FRS2: variants seen among roughly 807,000 people sequenced by gnomAD.
FRS2 encodes fibroblast growth factor receptor substrate 2.
Under a neutral mutation model 43.9 loss-of-function variants are expected in FRS2, and 8 were observed. The observed-to-expected ratio is 0.18, with a 90% CI of 0.11 to 0.33. The LOEUF (loss-of-function observed/expected upper bound fraction) is 0.33, where lower values mean the gene tolerates loss of function less well. FRS2 is among the 10% of genes least tolerant of loss of function. The probability of loss-of-function intolerance (pLI) is 1.00; values close to 1 mark genes in which losing one functional copy is unlikely to be tolerated. For missense variants in FRS2, 534 were observed against 627.6 expected, an observed-to-expected ratio of 0.85 and a Z score of 1.59; for synonymous variants, 219 against 220.3, an observed-to-expected ratio of 0.99 and a Z score of 0.05.
At chr12:69,495,628 A>C (rs1299773645) in intron 1 of FRS2, among the ~76,000 whole-genome samples, 1 of 152,208 alleles carries the variant, frequency 6.6e-6, no homozygotes, top group Admixed American at 6.5e-5. Context: ...AGTATTACAA[A>C]ATAATGCTTA....
intron 5 of FRS2, among the ~76,000 whole-genome samples, chr12:69,569,607 C>G (rs1444790152): frequency 6.6e-6 from 1 of 152,208 alleles, no homozygotes; most frequent in African/African-American, 2.4e-5. Flanking sequence ...AAAGAATAGC[C>G]TTGATCACAC....
intron 1 of FRS2, among the ~76,000 whole-genome samples, chr12:69,522,764 G>A (rs902602227): frequency 1.3e-5 from 2 of 152,096 alleles, no homozygotes; most frequent in Admixed American, 1.3e-4. Flanking sequence ...CGCTGCCTTA[G>A]CTGTGTCTGA....
intron 1 of FRS2, among the ~76,000 whole-genome samples, chr12:69,479,352 A>T (rs1262154091): frequency 6.8e-6 from 1 of 147,866 alleles, no homozygotes; most frequent in Non-Finnish European, 1.5e-5. Flanking sequence ...AAAAATACAC[A>T]GTGTGATTGA....
intron 1 of FRS2, among the ~76,000 whole-genome samples, chr12:69,523,424 C>T (rs948172831): frequency 5.9e-5 from 9 of 152,034 alleles, no homozygotes; most frequent in Non-Finnish European, 2.9e-5. Context: ...TTTCCATTTC[C>T]CTGGTAGATT....
At chr12:69,491,025 T>C (rs922674754) in intron 1 of FRS2, among the ~76,000 whole-genome samples, 3 of 152,248 alleles carry the variant, frequency 2.0e-5, no homozygotes, top group African/African-American at 7.2e-5. Context: ...TTTCCTACCT[T>C]TCTGTCTACT....
chr12:69,535,664 G>A (rs914396724), intron 3 of FRS2, among the ~76,000 whole-genome samples: 24 of 151,976 alleles, frequency 1.6e-4, no homozygotes, highest in Non-Finnish European at 1.9e-4. Flanking sequence ...CGGTTATTAA[G>A]TACAGTGTTA....
chr12:69,523,351 GA>G (rs142775053), intron 1 of FRS2, among the ~76,000 whole-genome samples: 2,319 of 152,166 alleles, frequency 0.015, 63 homozygotes, highest in African/African-American at 0.052. Context: ...TGTCTTTTTT[GA>G]TCTTTGTTGG....
intron 1 of FRS2, among the ~76,000 whole-genome samples, chr12:69,490,431 GTTTTTTTT>G (rs5798936): frequency 7.5e-6 from 1 of 133,348 alleles, no homozygotes; most frequent in Non-Finnish European, 1.6e-5. Context: ...AAATGTGTGG[GTTTTTTTT>G]TTTTTTTTGG....
At chr12:69,558,823 A>C (rs544847653) in intron 3 of FRS2, among the ~76,000 whole-genome samples, 2 of 152,294 alleles carry the variant, frequency 1.3e-5, no homozygotes, top group East Asian at 1.9e-4. Context: ...TATTTCTAGC[A>C]CTTAACTCAG....
At chr12:69,554,918 AG>A (rs1437730761) in intron 3 of FRS2, among the ~76,000 whole-genome samples, 6 of 145,346 alleles carry the variant, frequency 4.1e-5, no homozygotes, top group African/African-American at 1.5e-4. Flanking sequence ...TAAGTTGCCC[AG>A]GCTGATCTTG....
chr12:69,509,084 G>A (rs1565734747), intron 1 of FRS2, among the ~76,000 whole-genome samples: 1 of 152,060 alleles, frequency 6.6e-6, no homozygotes, highest in Non-Finnish European at 1.5e-5. Context: ...CTCTTAATAT[G>A]GTTGGACACA....
At position 69,575,296 on chromosome 12, in the gene FRS2, CTT is replaced by C. The variant is rs903190218; in HGVS notation, c.*345_*346del. ...TCTAAGTCATGGTTGGCTTTTAAAA[CTT>C]TTTATAAAGCCTCTTGACAATGTAC... On this transcript the variant is annotated 3_prime_UTR_variant, in exon 9 of 9. Transcript: ENST00000549921. The C allele has an allele frequency of 8.7e-6, 2 of 229,374 alleles. No homozygotes were observed. The highest frequency in any genetic ancestry group is 4.5e-5 in the African/African-American group (2 of 44,122). The allele number at this position is 229,374 out of a possible 1,614,324, so 14.2% of individuals were successfully genotyped here. A position where few individuals can be genotyped will look rare whatever the true frequency, so the allele number is the denominator to read the frequency against.
intron 1 of FRS2, among the ~76,000 whole-genome samples, chr12:69,485,082 A>AAAACACACACAC (rs1477709857): frequency 1.2e-5 from 1 of 85,304 alleles, no homozygotes; most frequent in Non-Finnish European, 2.1e-5. Flanking sequence ...CTCATCTTAA[A>AAAACACACACAC]ACACACACAC....
intron 8 of FRS2, 53 bp from the exon 9 acceptor site, chr12:69,573,952 T>C: frequency 8.2e-7 from 1 of 1,221,306 alleles, no homozygotes. Context: ...AGGCTTTTTT[T>C]CAGTTTTGTT....
chr12:69,511,508 T>A (rs577488696), intron 1 of FRS2, among the ~76,000 whole-genome samples: 2 of 152,172 alleles, frequency 1.3e-5, no homozygotes, highest in Non-Finnish European at 2.9e-5. Flanking sequence ...AATAAAAATA[T>A]CAGTTTTAGT....
At chr12:69,528,064 G>A (rs898668861) in intron 1 of FRS2, among the ~76,000 whole-genome samples, 3 of 152,172 alleles carry the variant, frequency 2.0e-5, no homozygotes, top group African/African-American at 7.2e-5. Context: ...ACTCTTGCCA[G>A]AACTGTATCT....
chr12:69,509,372 T>G (rs915542645), intron 1 of FRS2, among the ~76,000 whole-genome samples: 2 of 152,236 alleles, frequency 1.3e-5, no homozygotes, highest in African/African-American at 4.8e-5. Flanking sequence ...TTGTCTTCAC[T>G]GTCCCTACAA....
intron 1 of FRS2, among the ~76,000 whole-genome samples, chr12:69,479,390 CTT>C (rs57688271): frequency 0.031 from 3,729 of 119,814 alleles, 25 homozygotes; most frequent in Non-Finnish European, 0.038. Flanking sequence ...TCTGTTGTTT[CTT>C]TTTTTTTTTT....
At chr12:69,558,028 C>T (rs919299034) in intron 3 of FRS2, among the ~76,000 whole-genome samples, 2 of 151,864 alleles carry the variant, frequency 1.3e-5, no homozygotes, top group African/African-American at 4.8e-5. Context: ...AAATGAATCT[C>T]TATATATATA....
Sources: gnomAD v4.1 joint callset for allele counts (sites outside exome capture counted in the v4.1 genomes callset) on GRCh38, gnomAD v4.1.1 for gene constraint, MANE v1.5 for transcripts, NCBI Gene and HGNC (gene_info 2026-07-23, HGNC 2026-07-21) for gene names.